The following CDC42BPB variants were observed in gnomAD, a reference collection of about 807,000 sequenced individuals.
The protein encoded by CDC42BPB is serine/threonine-protein kinase MRCK beta.
Under a neutral mutation model 214.9 loss-of-function variants are expected in CDC42BPB, and 37 were observed. That is an observed-to-expected ratio of 0.17 (90% CI 0.13 to 0.23). CDC42BPB has a LOEUF of 0.23. Ranked by LOEUF, CDC42BPB falls within the 10% of genes least tolerant of loss-of-function variation. CDC42BPB has a pLI of 1.00. For missense variants in CDC42BPB, 1,694 were observed against 2,227.0 expected (o/e 0.76, Z 4.82); for synonymous variants, 931 against 884.0 (o/e 1.05, Z -0.94).
chr14:102,936,038 A>C (rs1055913325), intron 36 of CDC42BPB, among the ~76,000 whole-genome samples: 2 of 152,206 alleles, frequency 1.3e-5, no homozygotes, highest in African/African-American at 4.8e-5. Context: ...TGCAAATCAA[A>C]ACCACAATCA....
At chr14:102,972,387 A>G in intron 12 of CDC42BPB, 1 of 944,416 alleles carries the variant, frequency 1.1e-6, no homozygotes, top group Non-Finnish European at 1.3e-6. Flanking sequence ...CCAACTGCAC[A>G]CCAAGAAAGG....
At chr14:103,028,341 G>A (rs1386398150) in intron 1 of CDC42BPB, among the ~76,000 whole-genome samples, 3 of 152,200 alleles carry the variant, frequency 2.0e-5, no homozygotes, top group Non-Finnish European at 4.4e-5. Flanking sequence ...GAGTCCTTCA[G>A]ACTTCACCGC....
intron 8 of CDC42BPB, among the ~76,000 whole-genome samples, chr14:102,979,999 G>A (rs952961861): frequency 1.3e-5 from 2 of 152,180 alleles, no homozygotes; most frequent in African/African-American, 4.8e-5. Flanking sequence ...CACCAATGCA[G>A]ACACAAAGCG....
chr14:103,015,481 C>T (rs1886404038), intron 1 of CDC42BPB, among the ~76,000 whole-genome samples: 1 of 152,032 alleles, frequency 6.6e-6, no homozygotes, highest in Non-Finnish European at 1.5e-5. Context: ...GAGCAAAACT[C>T]CATTTCAAAA....
At position 102,943,522 on chromosome 14, in the gene CDC42BPB, G is replaced by A. The variant is rs1159562371; in HGVS notation, c.4408+369C>T. 6.6e-6 allele frequency among the ~76,000 whole-genome samples: 1 copy of A among 151,984 alleles called. No homozygotes were observed. The highest frequency in any genetic ancestry group is 1.9e-4 in the East Asian group (1 of 5,158). ...ACCCCTCAAGCTTGTCTTTACTACT[G>A]TGTAAGTTTCTGTATTATCACGAGG... On this transcript the variant is annotated intron_variant, in intron 30 of 36. Transcript: ENST00000361246. This position sits in a 1 kb window ranked among gnomAD's most constrained non-coding sequence, Gnocchi z 4.6.
chr14:103,016,916 C>G (rs1419833181), intron 1 of CDC42BPB, among the ~76,000 whole-genome samples: 3 of 152,182 alleles, frequency 2.0e-5, no homozygotes, highest in Admixed American at 6.5e-5. Context: ...CAGGGCTCCT[C>G]AGGCAGCTCC....
chr14:103,041,638 G>A (rs531819104), intron 1 of CDC42BPB: 8 of 688,558 alleles, frequency 1.2e-5, no homozygotes, highest in African/African-American at 8.8e-5. Flanking sequence ...CCGGCCCATC[G>A]TGTGGTGCCG....
At chr14:103,010,763 G>A (rs1455898236) in intron 2 of CDC42BPB, among the ~76,000 whole-genome samples, 1 of 152,248 alleles carries the variant, frequency 6.6e-6, no homozygotes, top group Admixed American at 6.5e-5. Context: ...CAGGCGCGGT[G>A]GCTCACGCCT....
intron 1 of CDC42BPB, among the ~76,000 whole-genome samples, chr14:103,036,179 G>A (rs1340839540): frequency 6.8e-6 from 1 of 146,624 alleles, no homozygotes; most frequent in East Asian, 2.0e-4. Flanking sequence ...TTGAGTGGGA[G>A]TCTCGCTCTG....
At chr14:102,935,862 G>A (rs1413449035) in intron 36 of CDC42BPB, among the ~76,000 whole-genome samples, 1 of 150,770 alleles carries the variant, frequency 6.6e-6, no homozygotes, top group East Asian at 2.0e-4. Context: ...TCTCTCACAA[G>A]AGCCTGGTAC....
intron 1 of CDC42BPB, among the ~76,000 whole-genome samples, chr14:103,020,815 G>A (rs992261651): frequency 2.0e-5 from 3 of 152,260 alleles, no homozygotes; most frequent in Non-Finnish European, 4.4e-5. Flanking sequence ...GACGGCTGAC[G>A]CAGCTACGGA....
intron 6 of CDC42BPB, among the ~76,000 whole-genome samples, chr14:102,985,881 G>C (rs902941700): frequency 6.6e-6 from 1 of 152,286 alleles, no homozygotes; most frequent in Non-Finnish European, 1.5e-5. Flanking sequence ...AGGCTACTCG[G>C]CCATGACGCT....
chr14:102,939,595 C>T lies in CDC42BPB; in HGVS notation c.4827+15G>A, dbSNP rs1219257915. 5 of 1,587,018 alleles carry T rather than the reference C, an allele frequency of 3.2e-6. No homozygotes were observed. The highest frequency in any genetic ancestry group is 4.3e-6 in the Non-Finnish European group (5 of 1,155,514). ...ATGGGGTGCCCTGCCCGCCCTATCCCGGCCGTGCACGCACCAGAGGCAGGT... is the reference window on the plus strand; with the variant it reads ...ATGGGGTGCCCTGCCCGCCCTATCCTGGCCGTGCACGCACCAGAGGCAGGT... On this transcript the variant is annotated intron_variant, in intron 34 of 36. Coordinates refer to ENST00000361246, the MANE Select transcript of CDC42BPB (RefSeq NM_006035.4).
Position 102,945,739 on chromosome 14 carries a change from G to A in CDC42BPB, c.3749-15C>T, listed in dbSNP as rs771552880. On this transcript the variant is annotated splice_polypyrimidine_tract_variant and intron_variant, in intron 28 of 36. Transcript: ENST00000361246. ...CCTGTCTGCATCTGTGGAGGGGTAA[G>A]TAACATACACAAAGTCAGTACAGCC... The A allele has an allele frequency of 1.2e-6, 2 of 1,611,732 alleles. No individual in the cohort carries two copies. The highest frequency in any genetic ancestry group is 1.7e-6 in the Non-Finnish European group (2 of 1,178,910).
In CDC42BPB at chr14:103,004,745, T is replaced by C. The variant is rs1895153611; in HGVS notation, c.352-722A>G. On this transcript the variant is annotated intron_variant, in intron 3 of 36. Coordinates refer to ENST00000361246, the MANE Select transcript of CDC42BPB (RefSeq NM_006035.4). This position sits in a 1 kb window ranked among gnomAD's most constrained non-coding sequence, Gnocchi z 5.3. ...CTAGCCAGGTGTGGTGGCAGGTGCC[T>C]GTAATCCCAGCTACATGGGAGGCTG... is the stretch of plus-strand genomic sequence containing the variant. 6.6e-6 allele frequency among the ~76,000 whole-genome samples: 1 copy of C among 152,000 alleles called. No individual in the cohort carries two copies. The highest frequency in any genetic ancestry group is 2.4e-5 in the African/African-American group (1 of 41,376).
chr14:103,022,011 C>T (rs967529912), intron 1 of CDC42BPB, among the ~76,000 whole-genome samples: 2 of 152,122 alleles, frequency 1.3e-5, no homozygotes, highest in African/African-American at 4.8e-5. Context: ...AGCAGCTGGA[C>T]AGGTGATGCA....
At position 102,964,661 on chromosome 14, in the gene CDC42BPB, G is replaced by A. The variant is rs374768996; in HGVS notation, c.2578-11C>T. 6.4e-5 allele frequency: 101 copies of A among 1,584,180 alleles called. No individual in the cohort carries two copies. Among genetic ancestry groups the A allele is most frequent in the Non-Finnish European group, 8.4e-5 (98 of 1,164,452 alleles). On this transcript the variant is annotated splice_polypyrimidine_tract_variant and intron_variant, in intron 18 of 36. Coordinates refer to ENST00000361246, the MANE Select transcript of CDC42BPB (RefSeq NM_006035.4). ...CTTCCACAGCGGGTCCTTGAGACAC[G>A]GTCATGGCGTTAAAAATGCATTTTC...
At chr14:102,961,143 G>A (rs959244912) in intron 20 of CDC42BPB, among the ~76,000 whole-genome samples, 5 of 151,254 alleles carry the variant, frequency 3.3e-5, no homozygotes, top group Non-Finnish European at 7.4e-5. Context: ...CTCCAGCCTG[G>A]GCAACAGAGC....
chr14:102,934,022 G>T, intron 36 of CDC42BPB, 179 bp from the exon 37 acceptor site: 2 of 1,358,752 alleles, frequency 1.5e-6, no homozygotes, highest in Non-Finnish European at 9.4e-7. Flanking sequence ...GCGTGCTGGT[G>T]AGAGTCACAA....
Sources: gnomAD v4.1 joint callset for allele counts (sites outside exome capture counted in the v4.1 genomes callset) on GRCh38, gnomAD v4.1.1 for gene constraint, Gnocchi (gnomAD v3.1) non-coding constraint, MANE v1.5 for transcripts, NCBI Gene and HGNC (gene_info 2026-07-23, HGNC 2026-07-21) for gene names.